The following MRPS5 variants were observed in gnomAD, a reference collection of about 807,000 sequenced individuals.
The protein encoded by MRPS5 is small ribosomal subunit protein uS5m.
A neutral mutation model predicts 51.9 loss-of-function variants in MRPS5; 27 were observed. The ratio of observed to expected loss-of-function variants is 0.52; its 90% CI spans 0.38 to 0.72. MRPS5 has a LOEUF of 0.72. Ranked by LOEUF, MRPS5 falls within the 30% of genes least tolerant of loss-of-function variation. MRPS5 has a pLI of 0.00. For synonymous variants in MRPS5, 196 were observed against 193.2 expected (o/e 1.01, Z -0.12); for missense variants, 570 against 545.7 (o/e 1.04, Z -0.44).
At chr2:95,119,574 T>C (rs1292262819) in intron 1 of MRPS5, among the ~76,000 whole-genome samples, 1 of 149,450 alleles carries the variant, frequency 6.7e-6, no homozygotes, top group Non-Finnish European at 1.5e-5. Context: ...ACTGTGCCAC[T>C]GCACTTCTAC....
At position 95,108,207 on chromosome 2, in the gene MRPS5, C is replaced by G; in HGVS notation, c.605G>C (p.Ser202Thr). The stretch of plus-strand genomic sequence containing the variant: ...GGGACCAGGGTCAGGGGGGCCAAGA[C>G]TGATGCCTCCCCATGAGTTTCCACT... ...GWSGNSWGGI[S>T]LGPPDPGPCG... Residue 202 changes from serine to threonine, a missense_variant, in exon 5 of 12, where the codon AGT becomes ACT. By Grantham distance (58) the Ser-to-Thr change is moderately conservative (BLOSUM62 1). Coordinates refer to ENST00000272418, the MANE Select transcript of MRPS5 (RefSeq NM_031902.5). 6.2e-7 allele frequency: 1 copy of G among 1,614,204 alleles called. No homozygotes were observed. The highest frequency in any genetic ancestry group is 8.5e-7 in the Non-Finnish European group (1 of 1,180,030).
At chr2:95,119,253 G>A (rs193161279) in intron 1 of MRPS5, among the ~76,000 whole-genome samples, 3 of 152,286 alleles carry the variant, frequency 2.0e-5, no homozygotes, top group Admixed American at 6.5e-5. Context: ...ATTAGCACAT[G>A]ATAATATGCT....
intron 10 of MRPS5, among the ~76,000 whole-genome samples, chr2:95,094,299 G>T (rs748838461): frequency 6.6e-6 from 1 of 152,166 alleles, no homozygotes; most frequent in Admixed American, 6.5e-5. Flanking sequence ...AACCAAGTTC[G>T]AAAACACTCT....
intron 4 of MRPS5, among the ~76,000 whole-genome samples, chr2:95,108,907 C>T (rs1383823327): frequency 6.6e-6 from 1 of 151,806 alleles, no homozygotes; most frequent in Non-Finnish European, 1.5e-5. Context: ...TTCTTTTTAG[C>T]TATTTATATA....
chr2:95,104,583 G>A (rs755016122), intron 7 of MRPS5, 57 bp downstream of exon 7: 38 of 1,571,454 alleles, frequency 2.4e-5, no homozygotes, highest in Admixed American at 5.0e-5. Flanking sequence ...AGCATGGCCC[G>A]TGCCACGCCT....
At chr2:95,119,329 G>T (rs1553424254) in intron 1 of MRPS5, among the ~76,000 whole-genome samples, 1 of 152,190 alleles carries the variant, frequency 6.6e-6, no homozygotes, top group Non-Finnish European at 1.5e-5. Flanking sequence ...CACTGGGCTG[G>T]CCAGGTAAGG....
intron 11 of MRPS5, 33 bp downstream of exon 11, chr2:95,090,353 G>A: frequency 1.9e-6 from 3 of 1,610,238 alleles, no homozygotes; most frequent in Non-Finnish European, 2.5e-6. Flanking sequence ...ATACAAACTA[G>A]AACCTCTGTT....
intron 1 of MRPS5, among the ~76,000 whole-genome samples, chr2:95,118,982 A>G (rs1676366947): frequency 6.6e-6 from 1 of 151,938 alleles, no homozygotes; most frequent in South Asian, 2.1e-4. Flanking sequence ...CAACAAAAAG[A>G]AAAAAAATAG....
rs1194748171 is a variant in MRPS5, at chr2:95,106,552, G to A, written c.638-95C>T. On this transcript the variant is annotated intron_variant, in intron 5 of 11. Transcript: ENST00000272418. ...CACAGGCACCATCACAGACCTTTCG[G>A]GGAGAAAGAATCTCAGATCTTTTGG... The A allele has an allele frequency of 5.8e-6, 6 of 1,039,284 alleles. No homozygotes were observed. The East Asian group carries it at 1.4e-4, about 25-fold the overall frequency. 64.4% of individuals were successfully genotyped at this position (1,039,284 alleles called of 1,614,324 possible). A position where few individuals can be genotyped will look rare whatever the true frequency, so the allele number is the denominator to read the frequency against.
intron 2 of MRPS5, among the ~76,000 whole-genome samples, chr2:95,115,790 T>TA (rs1194397907): frequency 6.6e-6 from 1 of 152,146 alleles, no homozygotes; most frequent in Non-Finnish European, 1.5e-5. Context: ...AATTAGTCAA[T>TA]AAAAAAGTAG....
At chr2:95,109,034 A>C (rs1676038355) in intron 4 of MRPS5, among the ~76,000 whole-genome samples, 1 of 152,088 alleles carries the variant, frequency 6.6e-6, no homozygotes, top group African/African-American at 2.4e-5. Flanking sequence ...GTATTAAAAA[A>C]CTGAAGGAAA....
intron 8 of MRPS5, 35 bp from the exon 9 acceptor site, chr2:95,100,929 G>A (rs1351497474): frequency 2.0e-6 from 3 of 1,535,920 alleles, no homozygotes; most frequent in East Asian, 2.3e-5. Context: ...CTCTATTGTT[G>A]AAATTTACAT....
chr2:95,119,457 C>A (rs895158445), intron 1 of MRPS5, among the ~76,000 whole-genome samples: 3 of 151,596 alleles, frequency 2.0e-5, no homozygotes, highest in African/African-American at 7.3e-5. Flanking sequence ...AAATTTTTTT[C>A]TTTAATTAGC....
In MRPS5 at chr2:95,086,037, G is replaced by A. The variant is rs534246830; in HGVS notation, c.*1320C>T. Among the ~76,000 whole-genome samples the A allele has an allele frequency of 3.8e-4, 58 of 151,808 alleles. No homozygotes were observed. In the South Asian group the frequency reaches 9.1e-3, roughly 24 times the overall value. ...TGATCCTCCCACTTCAGCCTCCTAT[G>A]TAGCTGGGACTACAGGCATACACCA... On this transcript the variant is annotated 3_prime_UTR_variant, in exon 12 of 12. Coordinates refer to ENST00000272418, the MANE Select transcript of MRPS5 (RefSeq NM_031902.5).
At chr2:95,107,100 C>T in intron 5 of MRPS5, among the ~76,000 whole-genome samples, 1 of 152,164 alleles carries the variant, frequency 6.6e-6, no homozygotes, top group East Asian at 1.9e-4. Flanking sequence ...CAGACAATTT[C>T]AATCAAACAA....
chr2:95,117,698 G>A (rs941948743), intron 2 of MRPS5, among the ~76,000 whole-genome samples, 167 bp downstream of exon 2: 2 of 150,980 alleles, frequency 1.3e-5, no homozygotes, highest in Non-Finnish European at 2.9e-5. Flanking sequence ...CTATGTAATC[G>A]CATCATAAAG....
At chr2:95,113,415 G>A (rs1676185847) in intron 3 of MRPS5, among the ~76,000 whole-genome samples, 1 of 152,094 alleles carries the variant, frequency 6.6e-6, no homozygotes, top group African/African-American at 2.4e-5. Context: ...GGTGCAGGTT[G>A]CAGTGAGCCG....
chr2:95,090,161 A>G (rs1175812413), intron 11 of MRPS5, among the ~76,000 whole-genome samples: 3 of 132,968 alleles, frequency 2.3e-5, no homozygotes, highest in Non-Finnish European at 4.6e-5. Flanking sequence ...TGGGTGACAG[A>G]GCGAGACTCC....
At chr2:95,091,922 G>A (rs868321622) in intron 10 of MRPS5, 1 of 152,238 alleles carries the variant, frequency 6.6e-6, no homozygotes, top group Non-Finnish European at 1.5e-5. Flanking sequence ...CACACCTAGA[G>A]AGAGGTACAC....
Sources: allele counts gnomAD v4.1 joint callset (sites outside exome capture counted in the v4.1 genomes callset), GRCh38; gene constraint gnomAD v4.1.1; transcripts MANE v1.5; gene names NCBI Gene and HGNC (gene_info 2026-07-23, HGNC 2026-07-21).